The following HSD17B12 variants were observed in gnomAD, a reference collection of about 807,000 sequenced individuals.
The protein encoded by HSD17B12 is hydroxysteroid 17-beta dehydrogenase 12, also known as very-long-chain 3-oxoacyl-CoA reductase.
A neutral mutation model predicts 39.3 loss-of-function variants in HSD17B12; 32 were observed. That is an observed-to-expected ratio of 0.81 (90% CI 0.61 to 1.09). The LOEUF (loss-of-function observed/expected upper bound fraction) is 1.09. Ranked by LOEUF, HSD17B12 falls within the 50% of genes least tolerant of loss-of-function variation. HSD17B12 has a pLI of 0.00. For synonymous variants in HSD17B12, 150 were observed against 146.7 expected (o/e 1.02, Z -0.16); for missense variants, 342 against 382.9 (o/e 0.89, Z 0.89).
At chr11:43,823,653 C>A (rs1442268271) in intron 6 of HSD17B12, among the ~76,000 whole-genome samples, 3 of 152,124 alleles carry the variant, frequency 2.0e-5, no homozygotes, top group Non-Finnish European at 2.9e-5. Flanking sequence ...GGTATCATGT[C>A]CTTTTCCTTT....
chr11:43,649,627 C>CA, the HSD17B12 span, among the ~76,000 whole-genome samples: 1 of 152,218 alleles, frequency 6.6e-6, no homozygotes, highest in East Asian at 1.9e-4. Context: ...AAGGTGGCCA[C>CA]AACTGTGTCT....
At chr11:43,778,003 T>G (rs1303002111) in intron 3 of HSD17B12, among the ~76,000 whole-genome samples, 2 of 151,468 alleles carry the variant, frequency 1.3e-5, no homozygotes, top group Non-Finnish European at 2.9e-5. Flanking sequence ...CTGAAGGAAA[T>G]AGAGACACAA....
At chr11:43,663,232 C>G in the HSD17B12 span, among the ~76,000 whole-genome samples, 7 of 152,226 alleles carry the variant, frequency 4.6e-5, 1 homozygote, top group South Asian at 1.5e-3. Flanking sequence ...TCGCAAGTAG[C>G]TGGGATGCAG....
chr11:43,820,244 G>A (rs16937641), intron 6 of HSD17B12, among the ~76,000 whole-genome samples: 2,041 of 152,280 alleles, frequency 0.013, 65 homozygotes, highest in African/African-American at 0.044. Flanking sequence ...TGTAAGGTGT[G>A]ATCTGACCTA....
At chr11:43,558,783 G>C in the HSD17B12 span, among the ~76,000 whole-genome samples, 32 of 152,094 alleles carry the variant, frequency 2.1e-4, no homozygotes, top group African/African-American at 7.5e-4. Context: ...CAGCTGGCTG[G>C]GTCATCAAAT....
intron 1 of HSD17B12, among the ~76,000 whole-genome samples, chr11:43,687,703 T>C (rs1949814717): frequency 2.0e-5 from 3 of 152,158 alleles, no homozygotes; most frequent in Non-Finnish European, 4.4e-5. Context: ...AGAAGGGCAA[T>C]GAGCAGGGCC....
chr11:43,579,771 G>A, the HSD17B12 span, among the ~76,000 whole-genome samples: 1 of 152,056 alleles, frequency 6.6e-6, no homozygotes, highest in South Asian at 2.1e-4. Context: ...CTGCAGGAGG[G>A]TGATGGATGG....
intron 3 of HSD17B12, among the ~76,000 whole-genome samples, chr11:43,756,217 C>CT (rs112904023): frequency 9.4e-4 from 137 of 145,390 alleles, no homozygotes; most frequent in East Asian, 3.4e-3. Context: ...TATGTTATAT[C>CT]TTTTTTTTTT....
chr11:43,667,174 C>CAA, the HSD17B12 span, among the ~76,000 whole-genome samples: 1 of 152,084 alleles, frequency 6.6e-6, no homozygotes, highest in Non-Finnish European at 1.5e-5. Flanking sequence ...TTTTTTGAGA[C>CAA]AGAGTATCAC....
intron 9 of HSD17B12, among the ~76,000 whole-genome samples, chr11:43,842,957 C>G (rs186751575): frequency 4.6e-5 from 7 of 152,300 alleles, no homozygotes; most frequent in African/African-American, 1.4e-4. Context: ...GATCTTTTCT[C>G]CAGATTTTCC....
At chr11:43,715,025 C>T (rs1377165276) in intron 1 of HSD17B12, among the ~76,000 whole-genome samples, 4 of 152,138 alleles carry the variant, frequency 2.6e-5, no homozygotes, top group Non-Finnish European at 4.4e-5. Flanking sequence ...AGATTTTGGG[C>T]TGAGACGATG....
At chr11:43,612,807 G>A in the HSD17B12 span, among the ~76,000 whole-genome samples, 1 of 152,216 alleles carries the variant, frequency 6.6e-6, no homozygotes, top group Non-Finnish European at 1.5e-5. Flanking sequence ...CAGAGTATGT[G>A]GCTACTTTAG....
chr11:43,659,055 C>G, the HSD17B12 span, among the ~76,000 whole-genome samples: 1 of 152,224 alleles, frequency 6.6e-6, no homozygotes, highest in Non-Finnish European at 1.5e-5. Flanking sequence ...TTCGAGCTTC[C>G]CAGCTGCTTT....
chr11:43,798,543 CATT>C, intron 4 of HSD17B12, 116 bp downstream of exon 4: 3 of 620,700 alleles, frequency 4.8e-6, no homozygotes, highest in Middle Eastern at 3.1e-4. Flanking sequence ...TTACGTAAGA[CATT>C]ATCAGTGAAT....
At chr11:43,838,846 G>A (rs1000721395) in intron 8 of HSD17B12, among the ~76,000 whole-genome samples, 2 of 152,166 alleles carry the variant, frequency 1.3e-5, no homozygotes, top group African/African-American at 4.8e-5. Context: ...GCAGGCACAA[G>A]ATAGACTGGG....
At chr11:43,684,925 C>G (rs1215808178) in intron 1 of HSD17B12, among the ~76,000 whole-genome samples, 2 of 152,146 alleles carry the variant, frequency 1.3e-5, no homozygotes, top group East Asian at 3.8e-4. Flanking sequence ...TTTGCCTGTT[C>G]TGGATATTTC....
chr11:43,855,945 A>G lies in HSD17B12; in HGVS notation c.*697A>G, dbSNP rs1277333312. ...TATATGGTATGATTTATAAAGATAA[A>G]TGGGCCAAAGTGTACATTGAGACTG... On this transcript the variant is annotated 3_prime_UTR_variant, in exon 11 of 11. Transcript: ENST00000278353. 8.3e-6 allele frequency: 1 copy of G among 121,074 alleles called. No individual in the cohort carries two copies. The highest frequency in any genetic ancestry group is 1.7e-5 in the Non-Finnish European group (1 of 57,798). The allele number at this position is 121,074 out of a possible 1,614,324, so 7.5% of individuals were successfully genotyped here.
chr11:43,819,351 C>T (rs1240910977), intron 6 of HSD17B12, among the ~76,000 whole-genome samples: 1 of 152,124 alleles, frequency 6.6e-6, no homozygotes, highest in Non-Finnish European at 1.5e-5. Context: ...AAGCCAAGGT[C>T]CTGGCCTTAA....
intron 1 of HSD17B12, among the ~76,000 whole-genome samples, chr11:43,736,025 A>C (rs1212514660): frequency 6.6e-6 from 1 of 152,220 alleles, no homozygotes; most frequent in African/African-American, 2.4e-5. Flanking sequence ...GGAAGCCACA[A>C]AGTAGTTTGA....
Sources: gnomAD v4.1 joint callset for allele counts (sites outside exome capture counted in the v4.1 genomes callset) on GRCh38, gnomAD v4.1.1 for gene constraint, MANE v1.5 for transcripts, NCBI Gene and HGNC (gene_info 2026-07-23, HGNC 2026-07-21) for gene names.